CSNK1A1L: variants seen among roughly 807,000 people sequenced by gnomAD.
The protein encoded by CSNK1A1L is casein kinase I isoform alpha-like.
A neutral mutation model predicts 24.6 loss-of-function variants in CSNK1A1L; 20 were observed. The ratio of observed to expected loss-of-function variants is 0.81; its 90% CI spans 0.57 to 1.18. CSNK1A1L has a LOEUF of 1.18. Ranked by LOEUF, CSNK1A1L falls within the 50% of genes most tolerant of loss-of-function variation. CSNK1A1L has a pLI of 0.00. For synonymous variants in CSNK1A1L, 152 were observed against 154.0 expected, an observed-to-expected ratio of 0.99 and a Z score of 0.09; for missense variants, 414 against 419.0, an observed-to-expected ratio of 0.99 and a Z score of 0.10.
At position 37,103,594 on chromosome 13, in the gene CSNK1A1L, G is replaced by A. The variant is rs553811708; in HGVS notation, c.*649C>T. ...TGGTTGTTGTTGTTTTTAAAATACC[G>A]AGAACATGATATAGTTAATGTGGAA... On this transcript the variant is annotated 3_prime_UTR_variant, in exon 1 of 1. Transcript: ENST00000379800. 1.3e-5 allele frequency: 2 copies of A among 152,704 alleles called. No homozygotes were observed. The highest frequency in any genetic ancestry group is 6.5e-5 in the Admixed American group (1 of 15,320). The allele number at this position is 152,704 out of a possible 1,614,324, so 9.5% of individuals were successfully genotyped here. A position where few individuals can be genotyped will look rare whatever the true frequency, so the allele number is the denominator to read the frequency against.
In CSNK1A1L at chr13:37,104,840, T is replaced by C. The variant is rs200541337; in HGVS notation, c.417A>G (p.Pro139=). The C allele has an allele frequency of 6.2e-7, 1 of 1,614,142 alleles. No individual in the cohort carries two copies. Among genetic ancestry groups the C allele is most frequent in the East Asian group, 2.2e-5 (1 of 44,876 alleles). The change falls in exon 1 of 1, where the codon CCA becomes CCG. Residue 139 remains proline, a synonymous_variant. Transcript: ENST00000379800. ...GCCCAGTACCCATCAGGAAGTTATC[T>C]GGTTTAATGTCTCGGTGTAGAAAAT... ...TKNFLHRDIK[P]DNFLMGTGRH... is the part of the protein sequence containing the mutation.
rs761390898 is a variant in CSNK1A1L at position 37,104,729 on chromosome 13, T to C, written c.528A>G (p.Arg176=). The C allele has an allele frequency of 3.5e-5, 56 of 1,614,010 alleles. No homozygotes were observed. Among genetic ancestry groups the C allele is most frequent in the Middle Eastern group, 1.6e-4 (1 of 6,084 alleles). ...CAGTGCCAATGAGGTGTTTATCTTCTCTGTACGGTATGTGTTGCCTGGTCC... is the reference window on the plus strand; with the variant it reads ...CAGTGCCAATGAGGTGTTTATCTTCCCTGTACGGTATGTGTTGCCTGGTCC... ...DNRTRQHIPY[R]EDKHLIGTVR... The change falls in exon 1 of 1, where the codon AGA becomes AGG. Residue 176 remains arginine, a synonymous_variant. Transcript: ENST00000379800.
chr13:37,104,435 G>A lies in CSNK1A1L; in HGVS notation c.822C>T (p.Tyr274=), dbSNP rs1401898127. 1 of 1,614,052 alleles carries A rather than the reference G, an allele frequency of 6.2e-7. No homozygotes were observed. The highest frequency in any genetic ancestry group is 1.3e-5 in the African/African-American group (1 of 74,920). ...RGLRFEEVPD[Y]MYLRQLFRIL... is the part of the protein sequence containing the mutation. ...TGCGGAATAGCTGCCTCAGATACAT[G>A]TAATCTGGGACTTCCTCAAAGCGCA... Residue 274 remains tyrosine (Y), a synonymous_variant, in exon 1 of 1, where the codon TAC becomes TAT. Transcript: ENST00000379800.
chr13:37,104,496 G>T lies in CSNK1A1L; in HGVS notation c.761C>A (p.Ala254Glu). 1 of 1,614,180 alleles carries T rather than the reference G, an allele frequency of 6.2e-7. No individual in the cohort carries two copies. Among genetic ancestry groups the T allele is most frequent in the South Asian group, 1.1e-5 (1 of 91,088 alleles). ...GTAGTTCAAGTACATGGCGAATTCT[G>T]CAGGAAACCCCTTACATAAAACTTC... Reference protein sequence around the residue: ...PVEVLCKGFPAEFAMYLNYCR... With the variant: ...PVEVLCKGFPEEFAMYLNYCR... The change falls in exon 1 of 1, where the codon GCA (alanine) becomes GAA (glutamate). Residue 254 changes from alanine (A) to glutamate (E), a missense_variant. Physicochemically the swap from Ala to Glu is moderately radical, Grantham distance 107. Coordinates refer to ENST00000379800, the MANE Select transcript of CSNK1A1L (RefSeq NM_145203.6).
Position 37,104,545 on chromosome 13 carries a change from C to T in CSNK1A1L, c.712G>A (p.Glu238Lys), listed in dbSNP as rs564273735. 3 of 1,614,202 alleles carry T rather than the reference C, an allele frequency of 1.9e-6. No individual in the cohort carries two copies. The highest frequency in any genetic ancestry group is 1.7e-5 in the Admixed American group (1 of 60,028). Residue 238 changes from glutamate to lysine, a missense_variant, in exon 1 of 1, where the codon GAG (glutamate) becomes AAG (lysine). Glu to Lys is a moderately conservative substitution (Grantham distance 56). Transcript: ENST00000379800. ...TCAACAGGGGTGGACATCTTCTTCT[C>T]ACTAATCTTTTCATATTTTTGTTTT... ...TKKQKYEKISEKKMSTPVEVL... is the reference protein window; with the variant it reads ...TKKQKYEKISKKKMSTPVEVL...
In CSNK1A1L at chr13:37,104,652, T is replaced by C; in HGVS notation, c.605A>G (p.Asp202Gly). 6.2e-7 allele frequency: 1 copy of C among 1,614,188 alleles called. No homozygotes were observed. Among genetic ancestry groups the C allele is most frequent in the Non-Finnish European group, 8.5e-7 (1 of 1,180,048 alleles). ...AACGTAGCCTAAGGATTCCATGTCA[T>C]CTCGGCGGCTCTGCTCAATACCAAG... ...AHLGIEQSRR[D>G]DMESLGYVFM... Residue 202 changes from aspartate to glycine, a missense_variant, in exon 1 of 1, where the codon GAT becomes GGT. Transcript: ENST00000379800.
chr13:37,103,930 T>C lies in CSNK1A1L; in HGVS notation c.*313A>G. 2.4e-6 allele frequency: 1 copy of C among 416,138 alleles called. No individual in the cohort carries two copies. The highest frequency in any genetic ancestry group is 4.4e-6 in the Non-Finnish European group (1 of 227,840). 25.8% of individuals were successfully genotyped at this position (416,138 alleles called of 1,614,324 possible). The stretch of plus-strand genomic sequence containing the variant: ...AAGGTTTTAACAAAAAATTGGCATA[T>C]GGACAATGTCTCCACCAATTCGTGT... On this transcript the variant is annotated 3_prime_UTR_variant, in exon 1 of 1. Coordinates refer to ENST00000379800, the MANE Select transcript of CSNK1A1L (RefSeq NM_145203.6).
Position 37,105,454 on chromosome 13 carries a change from G to A in CSNK1A1L, c.-198C>T, listed in dbSNP as rs1448158491. On this transcript the variant is annotated 5_prime_UTR_variant, in exon 1 of 1. Transcript: ENST00000379800. ...GGATTTCCGCCAGGCCACAGTTTGC[G>A]AGGGTTTCTCAAGGTTCCAGGCTGG... 2.4e-5 allele frequency: 14 copies of A among 581,994 alleles called. No individual in the cohort carries two copies. In the South Asian group the frequency reaches 3.2e-4, roughly 13 times the overall value. 36.1% of individuals were successfully genotyped at this position (581,994 alleles called of 1,614,324 possible).
rs1211942956 is a variant in CSNK1A1L at position 37,104,256 on chromosome 13, A to C, written c.1001T>G (p.Val334Gly). 15 of 1,614,076 alleles carry C rather than the reference A, an allele frequency of 9.3e-6. No individual in the cohort carries two copies. Among genetic ancestry groups the C allele is most frequent in the African/African-American group, 1.3e-5 (1 of 75,002 alleles). ...CCTCATTCACGCTTAGTTATCTTTC[A>C]CATTATTCTTGTTTTTTTCAGTTTG... ...GKQTEKNKNN[V>G]KDN is the part of the protein sequence containing the mutation. The change falls in exon 1 of 1, where the codon GTG (valine) becomes GGG (glycine). Residue 334 changes from valine (V) to glycine (G), a missense_variant. Physicochemically the swap from Val to Gly is moderately radical, Grantham distance 109 (BLOSUM62 -3). Coordinates refer to ENST00000379800, the MANE Select transcript of CSNK1A1L (RefSeq NM_145203.6).
chr13:37,105,093 G>C lies in CSNK1A1L; in HGVS notation c.164C>G (p.Pro55Arg). 1.2e-6 allele frequency: 2 copies of C among 1,614,076 alleles called. No homozygotes were observed. Among genetic ancestry groups the C allele is most frequent in the Middle Eastern group, 1.6e-4 (1 of 6,062 alleles). The change falls in exon 1 of 1, where the codon CCC becomes CGC. Residue 55 changes from proline to arginine, a missense_variant. Transcript: ENST00000379800. ...GAGTTTGCTCTCATACAGCAACTGG[G>C]GGTGCTTGACCTTCTGAGATTCCAG... ...VKLESQKVKHPQLLYESKLYT... is the reference protein window; with the variant it reads ...VKLESQKVKHRQLLYESKLYT...
In CSNK1A1L at chr13:37,104,923, T is replaced by C; in HGVS notation, c.334A>G (p.Thr112Ala). 6.2e-7 allele frequency: 1 copy of C among 1,614,028 alleles called. No homozygotes were observed. The highest frequency in any genetic ancestry group is 8.5e-7 in the Non-Finnish European group (1 of 1,180,012). ...NFCSRRFTMKTVLMLADQMIS... is the reference protein window; with the variant it reads ...NFCSRRFTMKAVLMLADQMIS... ...ATCTGGTCGGCTAACATAAGTACAG[T>C]TTTCATGGTGAACCTTCTTGAACAG... The change falls in exon 1 of 1, where the codon ACT becomes GCT. Residue 112 changes from threonine (T) to alanine (A), a missense_variant. Physicochemically the swap from Thr to Ala is moderately conservative, Grantham distance 58. Coordinates refer to ENST00000379800, the MANE Select transcript of CSNK1A1L (RefSeq NM_145203.6).
chr13:37,105,536 G>A lies in CSNK1A1L; in HGVS notation c.-280C>T. On this transcript the variant is annotated 5_prime_UTR_variant, in exon 1 of 1. Transcript: ENST00000379800. The stretch of plus-strand genomic sequence containing the variant: ...CCTCGCTGTCGTGGCGATGTCGTGG[G>A]CTGAGAAAGGGGGCACAGCGAGTTG... The A allele has an allele frequency of 2.4e-6, 1 of 411,988 alleles. No individual in the cohort carries two copies. The allele number at this position is 411,988 out of a possible 1,614,324, so 25.5% of individuals were successfully genotyped here. A position where few individuals can be genotyped will look rare whatever the true frequency, so the allele number is the denominator to read the frequency against.
rs957279261 is a variant in CSNK1A1L, at chr13:37,104,167, C to G, written c.*76G>C. On this transcript the variant is annotated 3_prime_UTR_variant, in exon 1 of 1. Transcript: ENST00000379800. ...AGCCACTAGCTGGTGTACATATGAA[C>G]TACAATTTCTAGATGTGGGGAGAAA... 5.3e-5 allele frequency: 84 copies of G among 1,589,552 alleles called. No homozygotes were observed. The highest frequency in any genetic ancestry group is 1.0e-4 in the Admixed American group (6 of 59,466).
At position 37,104,769 on chromosome 13, in the gene CSNK1A1L, T is replaced by G. The variant is rs568346753; in HGVS notation, c.488A>C (p.Lys163Thr). Residue 163 changes from lysine to threonine, a missense_variant, in exon 1 of 1, where the codon AAG (lysine) becomes ACG (threonine). By Grantham distance (78) the Lys-to-Thr change is moderately conservative (BLOSUM62 -1). Coordinates refer to ENST00000379800, the MANE Select transcript of CSNK1A1L (RefSeq NM_145203.6). Reference sequence around the variant, plus strand: ...TTGCCTGGTCCTGTTGTCTCTGTACTTTTTGGCCAAACCAAAATCAATAAG... The same window carrying G: ...TTGCCTGGTCCTGTTGTCTCTGTACGTTTTGGCCAAACCAAAATCAATAAG... ...LFLIDFGLAK[K>T]YRDNRTRQHI... The G allele has an allele frequency of 3.1e-6, 5 of 1,614,016 alleles. No homozygotes were observed. In the South Asian group the frequency reaches 5.5e-5, roughly 18 times the overall value.
At chr13:37,105,250 TTG>T in the CSNK1A1L span, 1 of 1,612,892 alleles carries the variant, frequency 6.2e-7, no homozygotes, top group Non-Finnish European at 8.5e-7. Context: ...CCGCTGTTGT[TTG>T]TCATCCTGAG....
chr13:37,104,936 C>T lies in CSNK1A1L; in HGVS notation c.321G>A (p.Arg107=). 1 of 1,614,070 alleles carries T rather than the reference C, an allele frequency of 6.2e-7. No homozygotes were observed. ...LEDLFNFCSR[R]FTMKTVLMLA... ...ACATAAGTACAGTTTTCATGGTGAA[C>T]CTTCTTGAACAGAAATTAAAGAGGT... Residue 107 remains arginine, a synonymous_variant, in exon 1 of 1, where the codon AGG becomes AGA. Coordinates refer to ENST00000379800, the MANE Select transcript of CSNK1A1L (RefSeq NM_145203.6).
In CSNK1A1L at chr13:37,103,494, C is replaced by T. The variant is rs925931101; in HGVS notation, c.*749G>A. On this transcript the variant is annotated 3_prime_UTR_variant, in exon 1 of 1. Coordinates refer to ENST00000379800, the MANE Select transcript of CSNK1A1L (RefSeq NM_145203.6). ...AAATCCCAGATCATATGGGTGTTTACGGTGATTACATTTATCTAAGCCATG... is the reference window on the plus strand; with the variant it reads ...AAATCCCAGATCATATGGGTGTTTATGGTGATTACATTTATCTAAGCCATG... 3.3e-5 allele frequency: 5 copies of T among 152,420 alleles called. No homozygotes were observed. Among genetic ancestry groups the T allele is most frequent in the East Asian group, 1.9e-4 (1 of 5,198 alleles). The allele number at this position is 152,420 out of a possible 1,614,324, so 9.4% of individuals were successfully genotyped here.
chr13:37,105,528 T>A lies in CSNK1A1L; in HGVS notation c.-272A>T, dbSNP rs781616631. The A allele has an allele frequency of 5.6e-5, 24 of 428,252 alleles. No homozygotes were observed. In the East Asian group the frequency reaches 9.9e-4, roughly 18 times the overall value. The allele number at this position is 428,252 out of a possible 1,614,324, so 26.5% of individuals were successfully genotyped here. On this transcript the variant is annotated 5_prime_UTR_variant, in exon 1 of 1. Coordinates refer to ENST00000379800, the MANE Select transcript of CSNK1A1L (RefSeq NM_145203.6). The stretch of plus-strand genomic sequence containing the variant: ...GGTCGCTGCCTCGCTGTCGTGGCGA[T>A]GTCGTGGGCTGAGAAAGGGGGCACA...
At position 37,105,500 on chromosome 13, in the gene CSNK1A1L, G is replaced by A. The variant is rs912318731; in HGVS notation, c.-244C>T. ...GCTGGGCCACCACCTCTTTCTCGGT[G>A]GCGGTCGCTGCCTCGCTGTCGTGGC... On this transcript the variant is annotated 5_prime_UTR_variant, in exon 1 of 1. Coordinates refer to ENST00000379800, the MANE Select transcript of CSNK1A1L (RefSeq NM_145203.6). 2.2e-5 allele frequency: 11 copies of A among 504,500 alleles called. No homozygotes were observed. The Admixed American group carries it at 2.9e-4, about 13-fold the overall frequency. The allele number at this position is 504,500 out of a possible 1,614,324, so 31.3% of individuals were successfully genotyped here. A position where few individuals can be genotyped will look rare whatever the true frequency, so the allele number is the denominator to read the frequency against.
Sources: gnomAD v4.1 joint callset for allele counts on GRCh38, gnomAD v4.1.1 for gene constraint, MANE v1.5 for transcripts, NCBI Gene and HGNC (gene_info 2026-07-23, HGNC 2026-07-21) for gene names.